METTL24: variants seen among roughly 807,000 people sequenced by gnomAD.
METTL24 encodes the protein probable methyltransferase-like protein 24.
Under a neutral mutation model 32.7 loss-of-function variants are expected in METTL24, and 29 were observed. The observed-to-expected ratio is 0.89, with a 90% CI of 0.66 to 1.21. METTL24 has a LOEUF of 1.21. Among genes scored for constraint, METTL24 ranks in the 50% most tolerant of loss-of-function variants. The pLI is 0.00. For synonymous variants in METTL24, 163 were observed against 179.5 expected (o/e 0.91, Z 0.73); for missense variants, 439 against 468.1 (o/e 0.94, Z 0.57).
At chr6:110,337,077 A>T (rs1437047236) in intron 1 of METTL24, among the ~76,000 whole-genome samples, 2 of 152,250 alleles carry the variant, frequency 1.3e-5, no homozygotes, top group Non-Finnish European at 2.9e-5. Context: ...TACACCATGA[A>T]ATACTATGCA....
intron 1 of METTL24, among the ~76,000 whole-genome samples, chr6:110,340,365 C>G (rs1772330908): frequency 6.6e-6 from 1 of 152,162 alleles, no homozygotes; most frequent in Non-Finnish European, 1.5e-5. Flanking sequence ...ACTGGGGCAG[C>G]TCTCAGTTAA....
At chr6:110,342,166 G>A (rs1772371746) in intron 1 of METTL24, among the ~76,000 whole-genome samples, 1 of 152,208 alleles carries the variant, frequency 6.6e-6, no homozygotes, top group Non-Finnish European at 1.5e-5. Context: ...TGCACTAGGA[G>A]GTCAGCAAGC....
At position 110,341,081 on chromosome 6, in the gene METTL24, C is replaced by CATTT. The variant is rs143824805; in HGVS notation, c.318+16873_318+16874insAAAT. 7.2e-3 allele frequency among the ~76,000 whole-genome samples: 1,094 copies of CATTT among 151,618 alleles called. 48 individuals are homozygous for CATTT. The East Asian group carries it at 0.14, about 19-fold the overall frequency. ...TTTCCTATTAAGTTAATGGCTTGAA[C>CATTT]AAATATACACATATTTATTTTAATT... On this transcript the variant is annotated intron_variant, in intron 1 of 4. Transcript: ENST00000338882.
intron 3 of METTL24, among the ~76,000 whole-genome samples, chr6:110,310,210 T>C (rs1337538902): frequency 6.6e-6 from 1 of 152,294 alleles, no homozygotes; most frequent in East Asian, 1.9e-4. Context: ...TATGAAATCA[T>C]CTACTATCTT....
Position 110,304,784 on chromosome 6 carries a change from C to G in METTL24, c.558-5634G>C, listed in dbSNP as rs1323183330. ...CCAACATAGCAAGACAGGCTAACAT[C>G]CAAATTCAGAAAATACAGAGAACAC... On this transcript the variant is annotated intron_variant, in intron 3 of 4. Coordinates refer to ENST00000338882, the MANE Select transcript of METTL24 (RefSeq NM_001123364.3). Among the ~76,000 whole-genome samples the G allele has an allele frequency of 2.0e-5, 3 of 152,062 alleles. No individual in the cohort carries two copies. The East Asian group carries it at 5.8e-4, about 29-fold the overall frequency.
At chr6:110,331,747 T>C (rs1287828122) in intron 1 of METTL24, among the ~76,000 whole-genome samples, 4 of 151,632 alleles carry the variant, frequency 2.6e-5, no homozygotes, top group Admixed American at 2.0e-4. Context: ...TTCAAGAAGC[T>C]TTGCAAACCC....
At chr6:110,285,633 T>C (rs535190456) in intron 4 of METTL24, among the ~76,000 whole-genome samples, 14 of 151,844 alleles carry the variant, frequency 9.2e-5, no homozygotes, top group African/African-American at 3.4e-4. Flanking sequence ...GCATTAGCTG[T>C]TTTTTTAACA....
chr6:110,338,058 C>T (rs750204405), intron 1 of METTL24, among the ~76,000 whole-genome samples: 1 of 152,178 alleles, frequency 6.6e-6, no homozygotes, highest in Non-Finnish European at 1.5e-5. Context: ...GAGGAAAGAA[C>T]ATGATATAAT....
intron 4 of METTL24, among the ~76,000 whole-genome samples, chr6:110,266,726 T>C (rs948884870): frequency 6.6e-6 from 1 of 152,232 alleles, no homozygotes; most frequent in African/African-American, 2.4e-5. Context: ...TTAGATGTCC[T>C]CTTCATCTAT....
intron 1 of METTL24, among the ~76,000 whole-genome samples, chr6:110,339,847 A>G (rs1006591196): frequency 1.3e-5 from 2 of 152,212 alleles, no homozygotes; most frequent in African/African-American, 4.8e-5. Context: ...ACAAGTGTAT[A>G]GCTAGAGACA....
At chr6:110,338,756 A>G (rs1002112587) in intron 1 of METTL24, among the ~76,000 whole-genome samples, 2 of 152,222 alleles carry the variant, frequency 1.3e-5, no homozygotes, top group Non-Finnish European at 2.9e-5. Context: ...TCTACTTGAA[A>G]TCATTAAGGT....
chr6:110,357,956 T>G lies in METTL24; in HGVS notation c.317A>C (p.Lys106Thr). ...CCAPRGRPRR[K>T]GPRWHIDLQP... ...AAGACCGACCGCTTTGCAACTGACCTTCCGGCGGGGGCGCCCGCGCGGGGC... is the reference window on the plus strand; with the variant it reads ...AAGACCGACCGCTTTGCAACTGACCGTCCGGCGGGGGCGCCCGCGCGGGGC... Residue 106 changes from lysine to threonine, a missense_variant and splice_region_variant, in exon 1 of 5, where the codon AAG becomes ACG. Physicochemically the swap from Lys to Thr is moderately conservative, Grantham distance 78. Transcript: ENST00000338882. 8.4e-7 allele frequency: 1 copy of G among 1,192,554 alleles called. No homozygotes were observed. The highest frequency in any genetic ancestry group is 1.0e-6 in the Non-Finnish European group (1 of 960,716). 73.9% of individuals were successfully genotyped at this position (1,192,554 alleles called of 1,614,324 possible).
intron 3 of METTL24, among the ~76,000 whole-genome samples, chr6:110,306,478 A>G (rs1771630110): frequency 6.6e-6 from 1 of 151,932 alleles, no homozygotes; most frequent in Non-Finnish European, 1.5e-5. Flanking sequence ...CTCTATTATA[A>G]ATATCATAAG....
intron 4 of METTL24, among the ~76,000 whole-genome samples, chr6:110,272,706 T>C (rs1770979177): frequency 6.6e-6 from 1 of 152,258 alleles, no homozygotes; most frequent in African/African-American, 2.4e-5. Flanking sequence ...GGTTTGCATT[T>C]CCCTGATAAT....
chr6:110,245,906 C>CTGCAAATA lies in METTL24; in HGVS notation c.*32_*39dup, dbSNP rs1423664773. 2 of 1,545,630 alleles carry CTGCAAATA rather than the reference C, an allele frequency of 1.3e-6. No individual in the cohort carries two copies. The highest frequency in any genetic ancestry group is 4.5e-5 in the East Asian group (2 of 44,510). ...ATTAGAATTATGGACATGCTGCATT[C>CTGCAAATA]TGCAAATATTTTCTTGTGCTCTTGA... On this transcript the variant is annotated 3_prime_UTR_variant, in exon 5 of 5. Transcript: ENST00000338882.
intron 4 of METTL24, among the ~76,000 whole-genome samples, chr6:110,267,298 A>T (rs1462146325): frequency 6.6e-6 from 1 of 152,252 alleles, no homozygotes; most frequent in Non-Finnish European, 1.5e-5. Context: ...TGCAAGAAAA[A>T]ATTCAAGCAG....
chr6:110,288,532 A>G (rs539347605), intron 4 of METTL24, among the ~76,000 whole-genome samples: 2 of 152,336 alleles, frequency 1.3e-5, no homozygotes, highest in South Asian at 4.1e-4. Flanking sequence ...TGTTCAGATA[A>G]TTCTAAGTAA....
At position 110,292,845 on chromosome 6, in the gene METTL24, TA is replaced by T. The variant is rs200663549; in HGVS notation, c.786+6076del. On this transcript the variant is annotated intron_variant, in intron 4 of 4. Transcript: ENST00000338882. ...TTTTTAAAATAAATATCCATAATTT[TA>T]CTGACACATCCATCTTTTCTCTATG... 8.7e-4 allele frequency among the ~76,000 whole-genome samples: 132 copies of T among 152,206 alleles called. 1 individual carries two copies. The East Asian group carries it at 0.019, about 22-fold the overall frequency.
chr6:110,351,707 C>G (rs1286118360), intron 1 of METTL24, among the ~76,000 whole-genome samples: 1 of 152,222 alleles, frequency 6.6e-6, no homozygotes, highest in Non-Finnish European at 1.5e-5. Context: ...TGGGCAGGCG[C>G]CCTAGGCCTT....
Sources: gnomAD v4.1 joint callset for allele counts (sites outside exome capture counted in the v4.1 genomes callset) on GRCh38, gnomAD v4.1.1 for gene constraint, MANE v1.5 for transcripts, NCBI Gene and HGNC (gene_info 2026-07-23, HGNC 2026-07-21) for gene names.